The following GMCL1 variants were observed in gnomAD, a reference collection of about 807,000 sequenced individuals.
The protein encoded by GMCL1 is germ cell-less protein-like 1.
Under a neutral mutation model 75.5 loss-of-function variants are expected in GMCL1, and 54 were observed. The ratio of observed to expected loss-of-function variants is 0.71; its 90% CI spans 0.57 to 0.90. GMCL1 has a LOEUF of 0.90. Ranked by LOEUF, GMCL1 falls within the 40% of genes least tolerant of loss-of-function variation. The pLI is 0.00. For missense variants in GMCL1, 537 were observed against 622.7 expected (o/e 0.86, Z 1.47); for synonymous variants, 210 against 209.6 (o/e 1.00, Z -0.02).
chr2:69,831,642 G>C, intron 1 of GMCL1, among the ~76,000 whole-genome samples: 1 of 151,726 alleles, frequency 6.6e-6, no homozygotes, highest in East Asian at 1.9e-4. Context: ...GGGTCTCGCT[G>C]TGTCGCCCAG....
rs768378561 is a variant in GMCL1, at chr2:69,869,864, G to A, written c.1364G>A (p.Arg455Lys). ...SLQPRRSIAF[R>K]LRLASFDSSG... Reference sequence around the variant, plus strand: ...CAGCCTCGAAGGAGCATAGCATTTAGGTAGGATGAGATTTCCCCACCCCAC... The same window carrying A: ...CAGCCTCGAAGGAGCATAGCATTTAAGTAGGATGAGATTTCCCCACCCCAC... Residue 455 changes from arginine to lysine, a missense_variant and splice_region_variant, in exon 12 of 14, where the codon AGA becomes AAA. Arg to Lys is a conservative substitution (Grantham distance 26, BLOSUM62 2). Transcript: ENST00000282570. 6 of 1,611,848 alleles carry A rather than the reference G, an allele frequency of 3.7e-6. No individual in the cohort carries two copies. The South Asian group carries it at 5.5e-5, about 15-fold the overall frequency.
At chr2:69,872,193 C>A (rs1676000500) in intron 13 of GMCL1, among the ~76,000 whole-genome samples, 1 of 152,158 alleles carries the variant, frequency 6.6e-6, no homozygotes, top group African/African-American at 2.4e-5. Flanking sequence ...ACATTCACAG[C>A]AGGCATCTTA....
chr2:69,847,069 C>G (rs1364470833), intron 6 of GMCL1, among the ~76,000 whole-genome samples: 1 of 151,434 alleles, frequency 6.6e-6, no homozygotes, highest in East Asian at 1.9e-4. Flanking sequence ...AACATCTGGC[C>G]TCAAATGATT....
intron 9 of GMCL1, among the ~76,000 whole-genome samples, chr2:69,858,953 C>T (rs1675559039): frequency 6.6e-6 from 1 of 151,784 alleles, no homozygotes; most frequent in Admixed American, 6.6e-5. Flanking sequence ...CGAGACCATC[C>T]TGACCAACAT....
At chr2:69,858,381 C>T (rs1675541223) in intron 9 of GMCL1, among the ~76,000 whole-genome samples, 1 of 152,176 alleles carries the variant, frequency 6.6e-6, no homozygotes, top group African/African-American at 2.4e-5. Flanking sequence ...AAACATATTA[C>T]TATTTAGTCA....
At chr2:69,856,051 T>TA (rs1435525055) in intron 9 of GMCL1, among the ~76,000 whole-genome samples, 1 of 152,206 alleles carries the variant, frequency 6.6e-6, no homozygotes, top group Non-Finnish European at 1.5e-5. Context: ...TTGTTCAGTA[T>TA]AAAATCAGAA....
chr2:69,857,751 A>C (rs1675520481), intron 9 of GMCL1, among the ~76,000 whole-genome samples: 1 of 152,160 alleles, frequency 6.6e-6, no homozygotes, highest in Non-Finnish European at 1.5e-5. Flanking sequence ...ACTCATCTTC[A>C]TTATCTACAT....
intron 13 of GMCL1, among the ~76,000 whole-genome samples, chr2:69,874,365 T>TTTTGTTTG (rs111961146): frequency 4.3e-4 from 66 of 152,016 alleles, no homozygotes; most frequent in African/African-American, 1.6e-3. Flanking sequence ...TTTCATTTCT[T>TTTTGTTTG]TTTGTTTGTT....
chr2:69,847,162 G>A lies in GMCL1; in HGVS notation c.759-381G>A, dbSNP rs564646806. Among the ~76,000 whole-genome samples, 8 of 152,150 alleles carry A rather than the reference G, an allele frequency of 5.3e-5. No individual in the cohort carries two copies. In the East Asian group the frequency reaches 1.5e-3, roughly 29 times the overall value. On this transcript the variant is annotated intron_variant, in intron 6 of 13. Coordinates refer to ENST00000282570, the MANE Select transcript of GMCL1 (RefSeq NM_178439.5). Reference sequence around the variant, plus strand: ...TTAAAGAACAAAACAAAACGTAGAAGTGGAGTGGTGGAAGGCAAAAGAGGA... The same window carrying A: ...TTAAAGAACAAAACAAAACGTAGAAATGGAGTGGTGGAAGGCAAAAGAGGA...
At chr2:69,834,938 A>T (rs1167475423) in intron 1 of GMCL1, among the ~76,000 whole-genome samples, 1 of 151,256 alleles carries the variant, frequency 6.6e-6, no homozygotes, top group Non-Finnish European at 1.5e-5. Context: ...TAACTTTTTC[A>T]TCACTATCAT....
At chr2:69,859,379 G>C (rs1015205799) in intron 9 of GMCL1, among the ~76,000 whole-genome samples, 9 of 151,572 alleles carry the variant, frequency 5.9e-5, no homozygotes, top group African/African-American at 1.9e-4. Flanking sequence ...GCTGAGTCAT[G>C]TAATAGTTGC....
At chr2:69,851,416 C>T (rs1003078170) in intron 8 of GMCL1, among the ~76,000 whole-genome samples, 12 of 152,044 alleles carry the variant, frequency 7.9e-5, no homozygotes, top group African/African-American at 2.2e-4. Context: ...TGGAGACCAG[C>T]GTGGCCAACA....
intron 3 of GMCL1, among the ~76,000 whole-genome samples, chr2:69,840,649 C>T (rs768057069): frequency 1.4e-4 from 22 of 152,180 alleles, no homozygotes; most frequent in Non-Finnish European, 2.9e-4. Context: ...GTATCTTATA[C>T]AACTTCTTGC....
At chr2:69,840,845 A>T (rs1246424809) in intron 3 of GMCL1, 97 bp from the exon 4 acceptor site, 8 of 706,700 alleles carry the variant, frequency 1.1e-5, no homozygotes, top group African/African-American at 1.8e-5. Context: ...ATTTAGACGG[A>T]TGTCTTTGTG....
At chr2:69,851,186 C>A (rs2103987052) in intron 8 of GMCL1, among the ~76,000 whole-genome samples, 1 of 152,276 alleles carries the variant, frequency 6.6e-6, no homozygotes, top group African/African-American at 2.4e-5. Flanking sequence ...CCTGTAATCC[C>A]AGCACTTTGG....
intron 9 of GMCL1, among the ~76,000 whole-genome samples, chr2:69,860,839 T>TTGTC (rs1221663339): frequency 6.6e-6 from 1 of 152,148 alleles, no homozygotes; most frequent in East Asian, 1.9e-4. Context: ...GTTTGTTTGT[T>TTGTC]TGTCTGTCTG....
intron 12 of GMCL1, 60 bp from the exon 13 acceptor site, chr2:69,871,685 C>A: frequency 2.4e-6 from 2 of 844,812 alleles, no homozygotes; most frequent in South Asian, 1.7e-5. Flanking sequence ...TAAGGAAGAG[C>A]TTGTTTAATC....
At chr2:69,872,100 ATATC>A (rs1419188425) in intron 13 of GMCL1, among the ~76,000 whole-genome samples, 1 of 152,208 alleles carries the variant, frequency 6.6e-6, no homozygotes, top group African/African-American at 2.4e-5. Context: ...TTTATCCTGA[ATATC>A]AGCAGCACTA....
chr2:69,854,598 A>C (rs956489569), intron 8 of GMCL1, among the ~76,000 whole-genome samples: 1 of 152,186 alleles, frequency 6.6e-6, no homozygotes, highest in Non-Finnish European at 1.5e-5. Flanking sequence ...CTGAATTCCC[A>C]GCCTGGGGGT....
Sources: gnomAD v4.1 joint callset for allele counts (sites outside exome capture counted in the v4.1 genomes callset) on GRCh38, gnomAD v4.1.1 for gene constraint, MANE v1.5 for transcripts, NCBI Gene and HGNC (gene_info 2026-07-23, HGNC 2026-07-21) for gene names.